DNM3: variants seen among roughly 807,000 people sequenced by gnomAD.
DNM3 encodes the protein dynamin 3.
DNM3 carries 47 observed loss-of-function variants against 101.6 expected under a neutral mutation model. The ratio of observed to expected loss-of-function variants is 0.46; its 90% CI spans 0.37 to 0.59. DNM3 has a LOEUF of 0.59. DNM3 is among the 20% of genes least tolerant of loss of function. The pLI is 0.00. For missense variants in DNM3, 849 were observed against 1,085.7 expected (o/e 0.78, Z 3.06); for synonymous variants, 385 against 387.9 (o/e 0.99, Z 0.09).
At chr1:172,063,120 A>G (rs1344802490) in intron 10 of DNM3, among the ~76,000 whole-genome samples, 2 of 152,230 alleles carry the variant, frequency 1.3e-5, no homozygotes, top group Non-Finnish European at 2.9e-5. Context: ...AGCCAAATCA[A>G]TCAAGTCAAG....
At chr1:172,178,237 G>A (rs2059221738) in intron 14 of DNM3, among the ~76,000 whole-genome samples, 1 of 151,874 alleles carries the variant, frequency 6.6e-6, no homozygotes, top group South Asian at 2.1e-4. Context: ...CAACTAAAAT[G>A]TGGTTATGTG....
At chr1:171,957,074 T>C (rs1269467251) in intron 2 of DNM3, among the ~76,000 whole-genome samples, 3 of 152,200 alleles carry the variant, frequency 2.0e-5, no homozygotes, top group Non-Finnish European at 4.4e-5. Context: ...ACCTCTGAAA[T>C]GCCCTGTAGG....
At chr1:172,187,395 A>G (rs2148420044) in intron 14 of DNM3, among the ~76,000 whole-genome samples, 1 of 152,166 alleles carries the variant, frequency 6.6e-6, no homozygotes, top group South Asian at 2.1e-4. Context: ...CTTGCATCAG[A>G]TTCTTTAGAA....
chr1:172,182,239 A>G (rs2059376765), intron 14 of DNM3, among the ~76,000 whole-genome samples: 1 of 151,992 alleles, frequency 6.6e-6, no homozygotes, highest in African/African-American at 2.4e-5. Context: ...ACAAACAAAA[A>G]AACGATTTCT....
At chr1:172,262,392 T>C (rs2062695629) in intron 15 of DNM3, among the ~76,000 whole-genome samples, 1 of 152,164 alleles carries the variant, frequency 6.6e-6, no homozygotes, top group African/African-American at 2.4e-5. Flanking sequence ...AAATGGCGTA[T>C]GCAGCAGTGC....
intron 19 of DNM3, among the ~76,000 whole-genome samples, chr1:172,387,944 A>G (rs2069289028): frequency 6.6e-6 from 1 of 151,946 alleles, no homozygotes; most frequent in Non-Finnish European, 1.5e-5. Context: ...AAAAAAAGGG[A>G]GGTTGTATGC....
intron 13 of DNM3, among the ~76,000 whole-genome samples, chr1:172,129,462 A>G (rs2056818173): frequency 1.3e-5 from 2 of 152,180 alleles, no homozygotes; most frequent in South Asian, 4.1e-4. Flanking sequence ...GTCTGTCTTC[A>G]TGCTGCTGAT....
At chr1:172,199,496 T>G (rs1216855506) in intron 14 of DNM3, among the ~76,000 whole-genome samples, 1 of 152,174 alleles carries the variant, frequency 6.6e-6, no homozygotes, top group Non-Finnish European at 1.5e-5. Context: ...TGTCTAATAC[T>G]GTCATGGGAG....
At chr1:172,214,486 T>G (rs2060623736) in intron 14 of DNM3, among the ~76,000 whole-genome samples, 1 of 149,862 alleles carries the variant, frequency 6.7e-6, no homozygotes, top group South Asian at 2.1e-4. Flanking sequence ...TACATACATA[T>G]GTACATATAT....
intron 1 of DNM3, among the ~76,000 whole-genome samples, chr1:171,885,131 T>G (rs2125144665): frequency 6.6e-6 from 1 of 152,260 alleles, no homozygotes; most frequent in South Asian, 2.1e-4. Context: ...TTAGGCAATG[T>G]TCTTAGATGC....
intron 14 of DNM3, among the ~76,000 whole-genome samples, chr1:172,168,908 A>G (rs2058848386): frequency 6.6e-6 from 1 of 151,952 alleles, no homozygotes; most frequent in Non-Finnish European, 1.5e-5. Flanking sequence ...AAGATTATCA[A>G]GAAGGGGTTT....
At chr1:172,141,479 C>T (rs1474998503) in intron 14 of DNM3, among the ~76,000 whole-genome samples, 1 of 151,986 alleles carries the variant, frequency 6.6e-6, no homozygotes, top group Non-Finnish European at 1.5e-5. Context: ...AGAGCAGATC[C>T]CTTACAGAGT....
At chr1:171,935,598 C>T (rs1301585816) in intron 2 of DNM3, among the ~76,000 whole-genome samples, 2 of 152,038 alleles carry the variant, frequency 1.3e-5, no homozygotes, top group African/African-American at 2.4e-5. Flanking sequence ...AGTTTCAGTG[C>T]GTTGTGGCTT....
At chr1:172,044,343 A>G (rs2125845302) in intron 8 of DNM3, 42 bp from the exon 9 acceptor site, 2 of 1,505,814 alleles carry the variant, frequency 1.3e-6, no homozygotes, top group Non-Finnish European at 1.8e-6. Flanking sequence ...TATTATTCAA[A>G]GGAATTAAGT....
intron 14 of DNM3, among the ~76,000 whole-genome samples, chr1:172,182,395 A>T (rs953676491): frequency 1.3e-5 from 2 of 152,094 alleles, no homozygotes; most frequent in Non-Finnish European, 2.9e-5. Flanking sequence ...TTGCAGGTTG[A>T]TGTCTAACCA....
chr1:172,039,917 T>G (rs1392070388), intron 7 of DNM3, among the ~76,000 whole-genome samples: 1 of 152,084 alleles, frequency 6.6e-6, no homozygotes, highest in Admixed American at 6.6e-5. Flanking sequence ...TAACACAATT[T>G]AACACAATTA....
In DNM3 at chr1:172,412,338, T is replaced by TC. The variant is rs1393525043; in HGVS notation, c.*4503dup. ...CTGCTACCAGTTTGTTAAAAATTAT[T>TC]CCCCCCAACCAGTAATTCCACCAGT... On this transcript the variant is annotated 3_prime_UTR_variant, in exon 21 of 21. Coordinates refer to ENST00000627582, the MANE Select transcript of DNM3 (RefSeq NM_015569.5). The TC allele has an allele frequency of 4.1e-6, 4 of 985,606 alleles. No individual in the cohort carries two copies. Among genetic ancestry groups the TC allele is most frequent in the African/African-American group, 3.5e-5 (2 of 57,338 alleles). The allele number at this position is 985,606 out of a possible 1,614,324, so 61.1% of individuals were successfully genotyped here. A position where few individuals can be genotyped will look rare whatever the true frequency, so the allele number is the denominator to read the frequency against.
At chr1:171,857,812 G>A (rs1277423952) in intron 1 of DNM3, among the ~76,000 whole-genome samples, 1 of 152,048 alleles carries the variant, frequency 6.6e-6, no homozygotes, top group African/African-American at 2.4e-5. Context: ...ACGATATTTG[G>A]AGATAGGGCC....
chr1:171,906,281 C>T (rs1261164241), intron 1 of DNM3, among the ~76,000 whole-genome samples: 1 of 151,928 alleles, frequency 6.6e-6, no homozygotes, highest in Non-Finnish European at 1.5e-5. Flanking sequence ...GCACGTGCCA[C>T]CACACCTGGC....
Sources: allele counts gnomAD v4.1 joint callset (sites outside exome capture counted in the v4.1 genomes callset), GRCh38; gene constraint gnomAD v4.1.1; transcripts MANE v1.5; gene names NCBI Gene and HGNC (gene_info 2026-07-23, HGNC 2026-07-21).